The following CACNA1C variants were observed in gnomAD, a reference collection of about 807,000 sequenced individuals.
CACNA1C encodes voltage-dependent L-type calcium channel subunit alpha-1C.
CACNA1C carries 30 observed loss-of-function variants against 229.0 expected under a neutral mutation model. The observed-to-expected ratio is 0.13, with a 90% confidence interval of 0.10 to 0.18. The LOEUF (loss-of-function observed/expected upper bound fraction) is 0.18, where lower values mean the gene tolerates loss of function less well. CACNA1C is among the 10% of genes least tolerant of loss of function. The probability of loss-of-function intolerance (pLI) is 1.00; values close to 1 mark genes in which losing one functional copy is unlikely to be tolerated. For synonymous variants in CACNA1C, 1,114 were observed against 1,132.5 expected (o/e 0.98, Z 0.33); for missense variants, 1,658 against 2,845.0 (o/e 0.58, Z 9.49).
At chr12:2,553,965 C>A (rs1264028994) in intron 10 of CACNA1C, among the ~76,000 whole-genome samples, 1 of 152,198 alleles carries the variant, frequency 6.6e-6, no homozygotes, top group African/African-American at 2.4e-5. Context: ...GTTAAGGATG[C>A]TGAGTCAGAC....
intron 3 of CACNA1C, among the ~76,000 whole-genome samples, chr12:2,399,332 C>G (rs1203425227): frequency 6.6e-6 from 1 of 152,164 alleles, no homozygotes; most frequent in Non-Finnish European, 1.5e-5. Context: ...ACCCCCTGTC[C>G]TCTTGGTGCC....
At chr12:2,381,491 G>A (rs2098245590) in intron 3 of CACNA1C, among the ~76,000 whole-genome samples, 1 of 152,200 alleles carries the variant, frequency 6.6e-6, no homozygotes, top group African/African-American at 2.4e-5. Flanking sequence ...TATTGACCAA[G>A]TAGCCTTCCA....
At chr12:2,000,999 T>C (rs980462331) in intron 1 of CACNA1C, among the ~76,000 whole-genome samples, 40 of 150,674 alleles carry the variant, frequency 2.7e-4, no homozygotes, top group Non-Finnish European at 4.6e-4. Flanking sequence ...GTCACGCCAT[T>C]GCACTCCAGC....
chr12:2,533,238 C>T (rs557972850), intron 9 of CACNA1C, among the ~76,000 whole-genome samples: 11 of 152,310 alleles, frequency 7.2e-5, no homozygotes, highest in African/African-American at 2.2e-4. Context: ...TGGCTTAGAG[C>T]TGCCCCAGCT....
Position 2,667,680 on chromosome 12 carries a change from C to T in CACNA1C, c.4623+898C>T, listed in dbSNP as rs374918976. Among the ~76,000 whole-genome samples, 10 of 152,252 alleles carry T rather than the reference C, an allele frequency of 6.6e-5. No homozygotes were observed. In the East Asian group the frequency reaches 1.4e-3, roughly 21 times the overall value. On this transcript the variant is annotated intron_variant, in intron 37 of 46. Coordinates refer to ENST00000399655, the MANE Select transcript of CACNA1C (RefSeq NM_000719.7). ...GTGCAGCCTGGAGGGGGCTAAAGTG[C>T]GTCCGTTGTGGCCTCCGGACGGGCC...
intron 34 of CACNA1C, among the ~76,000 whole-genome samples, chr12:2,656,185 T>G (rs764779150): frequency 3.2e-4 from 49 of 152,166 alleles, no homozygotes; most frequent in Non-Finnish European, 6.5e-4. Context: ...ATCTTATATA[T>G]AGAAAATCCT....
chr12:2,431,129 G>A (rs989984332), intron 3 of CACNA1C, among the ~76,000 whole-genome samples: 1 of 152,186 alleles, frequency 6.6e-6, no homozygotes, highest in African/African-American at 2.4e-5. Flanking sequence ...TAGTTCCCAG[G>A]CCCTGGTGCT....
intron 3 of CACNA1C, among the ~76,000 whole-genome samples, chr12:2,276,895 GGAGACCAGA>G (rs1349943047): frequency 6.6e-6 from 1 of 152,066 alleles, no homozygotes; most frequent in Non-Finnish European, 1.5e-5. Context: ...CAGGGACCAG[GGAGACCAGA>G]GAGACCAGAG....
Position 2,067,569 on chromosome 12 carries a change from G to A in CACNA1C, c.49+13958G>A, listed in dbSNP as rs1386536650. ...AGTTTGGCCTCCAGAGGGTCTTCTG[G>A]GTGCTGACACCAAAGCAGAGAGAGC... is the stretch of plus-strand genomic sequence containing the variant. On this transcript the variant is annotated intron_variant, in intron 1 of 46. Transcript: ENST00000399655. The surrounding 1 kb of genome is among the most constrained non-coding windows in gnomAD (Gnocchi z 5.3). 6.6e-6 allele frequency among the ~76,000 whole-genome samples: 1 copy of A among 151,790 alleles called. No homozygotes were observed. Among genetic ancestry groups the A allele is most frequent in the Non-Finnish European group, 1.5e-5 (1 of 67,982 alleles).
intron 1 of CACNA1C, among the ~76,000 whole-genome samples, chr12:2,035,341 A>G (rs995814185): frequency 2.0e-5 from 3 of 152,238 alleles, no homozygotes; most frequent in Admixed American, 2.0e-4. Flanking sequence ...TCATTTGGAA[A>G]CAAAGAAGGG....
intron 34 of CACNA1C, among the ~76,000 whole-genome samples, chr12:2,662,937 G>A (rs2095842458): frequency 1.3e-5 from 2 of 152,032 alleles, no homozygotes; most frequent in Admixed American, 1.3e-4. Flanking sequence ...TATCTATGCA[G>A]AAAAAATAAA....
intron 3 of CACNA1C, among the ~76,000 whole-genome samples, chr12:2,218,273 C>A (rs2060498390): frequency 6.6e-6 from 1 of 152,174 alleles, no homozygotes; most frequent in Admixed American, 6.5e-5. Flanking sequence ...GCAGGTTAAT[C>A]ATCAACAACA....
At chr12:2,316,560 C>T (rs1592588792) in intron 3 of CACNA1C, among the ~76,000 whole-genome samples, 1 of 152,290 alleles carries the variant, frequency 6.6e-6, no homozygotes, top group South Asian at 2.1e-4. Flanking sequence ...ACAAGGAAAG[C>T]CCTTGGTCAT....
At chr12:2,255,791 G>A (rs2077271500) in intron 3 of CACNA1C, among the ~76,000 whole-genome samples, 2 of 90,296 alleles carry the variant, frequency 2.2e-5, no homozygotes, top group South Asian at 7.5e-4. Flanking sequence ...AAATAGACCT[G>A]ACCCTGACCT....
At chr12:2,094,438 G>A (rs1005182103) in intron 1 of CACNA1C, among the ~76,000 whole-genome samples, 4 of 152,200 alleles carry the variant, frequency 2.6e-5, no homozygotes. Context: ...AAATTCAGGG[G>A]TGGAGGTGGG....
chr12:2,581,412 T>G (rs537026369), intron 13 of CACNA1C, among the ~76,000 whole-genome samples, 178 bp from the exon 14 acceptor site: 1 of 152,148 alleles, frequency 6.6e-6, no homozygotes, highest in African/African-American at 2.4e-5. Flanking sequence ...AGACCTTGAA[T>G]TAACTCCCTC....
intron 3 of CACNA1C, among the ~76,000 whole-genome samples, chr12:2,407,689 T>C (rs1278290211): frequency 7.8e-6 from 1 of 127,910 alleles, no homozygotes; most frequent in Non-Finnish European, 1.7e-5. Context: ...ACTGACACCA[T>C]GTGGGTACTG....
intron 1 of CACNA1C, among the ~76,000 whole-genome samples, chr12:2,006,386 T>C (rs536057604): frequency 2.7e-4 from 41 of 152,184 alleles, no homozygotes; most frequent in African/African-American, 8.7e-4. Context: ...CCAGCCTGGG[T>C]GATAGAGCGA....
At chr12:2,527,021 A>G (rs2099819613) in intron 9 of CACNA1C, among the ~76,000 whole-genome samples, 1 of 152,176 alleles carries the variant, frequency 6.6e-6, no homozygotes, top group East Asian at 1.9e-4. Context: ...TCCTTTCTGA[A>G]TATATATATT....
Sources: allele counts gnomAD v4.1 joint callset (sites outside exome capture counted in the v4.1 genomes callset), GRCh38; gene constraint gnomAD v4.1.1; non-coding constraint Gnocchi (gnomAD v3.1); transcripts MANE v1.5; gene names NCBI Gene and HGNC (gene_info 2026-07-23, HGNC 2026-07-21).